The following PIK3R1 variants were observed in gnomAD, a reference collection of about 807,000 sequenced individuals.
PIK3R1 encodes phosphoinositide-3-kinase regulatory subunit 1.
A neutral mutation model predicts 98.0 loss-of-function variants in PIK3R1; 29 were observed. That is an observed-to-expected ratio of 0.30 (90% confidence interval 0.22 to 0.40). The LOEUF is 0.40. Ranked by LOEUF, PIK3R1 falls within the 10% of genes least tolerant of loss-of-function variation. The pLI, the probability that PIK3R1 is intolerant of heterozygous loss-of-function variation, is 1.00. For missense variants in PIK3R1, 596 were observed against 872.7 expected (o/e 0.68, Z 3.99); for synonymous variants, 282 against 311.8 (o/e 0.90, Z 1.01).
intron 2 of PIK3R1, among the ~76,000 whole-genome samples, chr5:68,256,616 T>C (rs1255365499): frequency 6.6e-6 from 1 of 152,178 alleles, no homozygotes; most frequent in Non-Finnish European, 1.5e-5. Flanking sequence ...TTGATTGTTG[T>C]TGAAGCACCA....
At chr5:68,264,465 G>C (rs1746040547) in intron 2 of PIK3R1, among the ~76,000 whole-genome samples, 1 of 152,170 alleles carries the variant, frequency 6.6e-6, no homozygotes, top group Admixed American at 6.5e-5. Flanking sequence ...TATGACTTTA[G>C]GTAACTTGTT....
intron 2 of PIK3R1, among the ~76,000 whole-genome samples, chr5:68,233,351 G>A (rs1053450594): frequency 3.0e-4 from 45 of 152,210 alleles, no homozygotes; most frequent in Admixed American, 2.6e-3. Flanking sequence ...TGGTGTGATA[G>A]CTTGAAATGA....
chr5:68,293,858 TTAAAAAA>T, intron 11 of PIK3R1, 24 bp downstream of exon 11: 2 of 1,526,576 alleles, frequency 1.3e-6, no homozygotes, highest in Non-Finnish European at 8.8e-7. Context: ...GAAAATCAGA[TTAAAAAA>T]TAAGAGTTCT....
At chr5:68,288,897 CT>C in intron 7 of PIK3R1, 1 of 820,710 alleles carries the variant, frequency 1.2e-6, no homozygotes, top group Non-Finnish European at 2.1e-6. Context: ...GACACTCCCC[CT>C]GTCCTCGAGG....
chr5:68,246,592 C>G (rs942427946), intron 2 of PIK3R1, among the ~76,000 whole-genome samples: 3 of 152,192 alleles, frequency 2.0e-5, no homozygotes, highest in African/African-American at 4.8e-5. Context: ...GGATTACAGG[C>G]GTGAGCCACC....
rs1261787240 is a variant in PIK3R1, at chr5:68,299,908, T to C, written c.*2307T>C. On this transcript the variant is annotated 3_prime_UTR_variant, in exon 16 of 16. Coordinates refer to ENST00000521381, the MANE Select transcript of PIK3R1 (RefSeq NM_181523.3). ...CCAGACAACTGACGATTTCCCTGGTTTTAGTCTGCGTCTCTGCTTTAAAGT... is the reference window on the plus strand; with the variant it reads ...CCAGACAACTGACGATTTCCCTGGTCTTAGTCTGCGTCTCTGCTTTAAAGT... 8.6e-6 allele frequency: 2 copies of C among 233,136 alleles called. No individual in the cohort carries two copies. The highest frequency in any genetic ancestry group is 4.4e-5 in the African/African-American group (2 of 45,360). The allele number at this position is 233,136 out of a possible 1,614,324, so 14.4% of individuals were successfully genotyped here.
intron 2 of PIK3R1, among the ~76,000 whole-genome samples, chr5:68,272,246 C>T (rs978608285): frequency 2.4e-5 from 3 of 127,346 alleles, no homozygotes; most frequent in African/African-American, 1.1e-4. Context: ...GAGCGAGACC[C>T]TGTCTCAAAA....
chr5:68,217,226 T>G (rs921659845), intron 1 of PIK3R1, among the ~76,000 whole-genome samples: 19 of 152,314 alleles, frequency 1.2e-4, no homozygotes, highest in African/African-American at 4.3e-4. Context: ...AGGAGGGATA[T>G]TCACAGAGCT....
chr5:68,295,527 T>C (rs1580266083), intron 14 of PIK3R1, 39 bp downstream of exon 14: 2 of 1,567,404 alleles, frequency 1.3e-6, no homozygotes, highest in Non-Finnish European at 8.8e-7. Flanking sequence ...AGAAGATTTT[T>C]CTCATTTTAG....
rs1190697417 is a variant in PIK3R1 at position 68,244,523 on chromosome 5, G to GCCCCCC, written c.334+17515_334+17520dup. On this transcript the variant is annotated intron_variant, in intron 2 of 15. Transcript: ENST00000521381. ...CCTATTTCTCTAGGACCGCCCCCCC[G>GCCCCCC]CCCCCCGCCGCCGCTTCAGAGAGCT... 8.0e-3 allele frequency among the ~76,000 whole-genome samples: 64 copies of GCCCCCC among 7,992 alleles called. 6 individuals are homozygous for GCCCCCC. The highest frequency in any genetic ancestry group is 0.011 in the Non-Finnish European group (54 of 5,104). 5.2% of individuals were successfully genotyped at this position (7,992 alleles called of 152,430 possible).
At chr5:68,269,896 A>T (rs1746275113) in intron 2 of PIK3R1, among the ~76,000 whole-genome samples, 1 of 151,970 alleles carries the variant, frequency 6.6e-6, no homozygotes, top group Admixed American at 6.6e-5. Context: ...AAAAAAAAAA[A>T]ATCCCTGTAA....
intron 7 of PIK3R1, chr5:68,291,153 A>G (rs1747365802): frequency 4.1e-6 from 1 of 241,814 alleles, no homozygotes; most frequent in African/African-American, 2.3e-5. Flanking sequence ...TGTAATTAAA[A>G]TGATGCATCT....
Position 68,229,793 on chromosome 5 carries a change from T to G in PIK3R1, c.334+2784T>G, listed in dbSNP as rs148528861. ...TTGTATGTTCTTGGAAATAAAGCTGTGATATTTAACTTTTTGAGAGAAAGA... is the reference window on the plus strand; with the variant it reads ...TTGTATGTTCTTGGAAATAAAGCTGGGATATTTAACTTTTTGAGAGAAAGA... On this transcript the variant is annotated intron_variant, in intron 2 of 15. Coordinates refer to ENST00000521381, the MANE Select transcript of PIK3R1 (RefSeq NM_181523.3). Among the ~76,000 whole-genome samples the G allele has an allele frequency of 5.8e-4, 88 of 152,360 alleles. 1 individual carries two copies. Among genetic ancestry groups the G allele is most frequent in the African/African-American group, 2.0e-3 (84 of 41,582 alleles).
At chr5:68,264,846 G>C (rs1368263500) in intron 2 of PIK3R1, among the ~76,000 whole-genome samples, 1 of 152,182 alleles carries the variant, frequency 6.6e-6, no homozygotes, top group Non-Finnish European at 1.5e-5. Flanking sequence ...GGGCAGCAGA[G>C]CTCCTGGCTG....
At chr5:68,241,390 T>G (rs921766059) in intron 2 of PIK3R1, among the ~76,000 whole-genome samples, 1 of 22,942 alleles carries the variant, frequency 4.4e-5, no homozygotes, top group Admixed American at 3.4e-4. Context: ...TTTTTTTTGT[T>G]TTTTTTTTTT....
chr5:68,238,841 T>A (rs1006646214), intron 2 of PIK3R1, among the ~76,000 whole-genome samples: 4 of 152,206 alleles, frequency 2.6e-5, no homozygotes, highest in Non-Finnish European at 5.9e-5. Context: ...GTATTTTTCA[T>A]GTGAAATCAA....
chr5:68,223,120 CTCAA>C (rs1367493456), intron 1 of PIK3R1, among the ~76,000 whole-genome samples: 1 of 117,214 alleles, frequency 8.5e-6, no homozygotes, highest in Non-Finnish European at 1.7e-5. Flanking sequence ...TGTGTACAAA[CTCAA>C]TCATCATCAT....
intron 1 of PIK3R1, among the ~76,000 whole-genome samples, chr5:68,223,592 C>T (rs559327941): frequency 4.9e-4 from 74 of 152,164 alleles, no homozygotes; most frequent in Non-Finnish European, 8.7e-4. Flanking sequence ...ACCCAGAGTT[C>T]TGCACAGGGT....
chr5:68,263,684 A>G (rs1746002703), intron 2 of PIK3R1, among the ~76,000 whole-genome samples: 1 of 152,182 alleles, frequency 6.6e-6, no homozygotes, highest in African/African-American at 2.4e-5. Flanking sequence ...TTTAATATAT[A>G]TAGTCTTATA....
Sources: allele counts gnomAD v4.1 joint callset (sites outside exome capture counted in the v4.1 genomes callset), GRCh38; gene constraint gnomAD v4.1.1; transcripts MANE v1.5; gene names NCBI Gene and HGNC (gene_info 2026-07-23, HGNC 2026-07-21).